VSNL1: variants seen among roughly 807,000 people sequenced by gnomAD.
VSNL1 encodes visinin like 1.
In VSNL1, 6 loss-of-function variants were observed where a neutral mutation model predicts 20.4. The observed-to-expected ratio is 0.29, with a 90% confidence interval of 0.16 to 0.58. VSNL1 has a LOEUF of 0.58. VSNL1 is among the 20% of genes least tolerant of loss of function. The pLI, the probability that VSNL1 is intolerant of heterozygous loss-of-function variation, is 0.90. For missense variants in VSNL1, 100 were observed against 234.5 expected (o/e 0.43, Z 3.75); for synonymous variants, 93 against 86.4 (o/e 1.08, Z -0.42).
intron 2 of VSNL1, among the ~76,000 whole-genome samples, chr2:17,627,695 C>A (rs1173535984): frequency 2.6e-5 from 4 of 152,172 alleles, no homozygotes; most frequent in African/African-American, 9.7e-5. Flanking sequence ...ATGCAAAAAT[C>A]TGAAAAGACA....
At chr2:17,543,582 C>T (rs1045351773) in intron 1 of VSNL1, among the ~76,000 whole-genome samples, 1 of 152,168 alleles carries the variant, frequency 6.6e-6, no homozygotes, top group African/African-American at 2.4e-5. Context: ...GATAAAGCCA[C>T]CTGCGGAGAA....
At chr2:17,575,232 C>CA in intron 1 of VSNL1, among the ~76,000 whole-genome samples, 1 of 152,252 alleles carries the variant, frequency 6.6e-6, no homozygotes, top group East Asian at 1.9e-4. Flanking sequence ...ACCTCCCAAC[C>CA]CGGGAGGGAA....
intron 2 of VSNL1, among the ~76,000 whole-genome samples, chr2:17,640,252 C>CAAA (rs60583462): frequency 6.1e-5 from 6 of 98,834 alleles, no homozygotes; most frequent in African/African-American, 1.1e-4. Context: ...GACTCTGTTT[C>CAAA]AAAAAAAAAA....
At chr2:17,559,724 T>C (rs1293313324) in intron 1 of VSNL1, among the ~76,000 whole-genome samples, 1 of 152,156 alleles carries the variant, frequency 6.6e-6, no homozygotes, top group Non-Finnish European at 1.5e-5. Flanking sequence ...GGCAAAAATC[T>C]AGCAATGAGC....
At chr2:17,630,426 G>T (rs1040345171) in intron 2 of VSNL1, among the ~76,000 whole-genome samples, 27 of 152,220 alleles carry the variant, frequency 1.8e-4, no homozygotes, top group Non-Finnish European at 1.5e-4. Context: ...GCAAGTGGAT[G>T]TTCCTTGTTC....
At chr2:17,588,725 A>C (rs1321009410) in intron 1 of VSNL1, among the ~76,000 whole-genome samples, 1 of 152,212 alleles carries the variant, frequency 6.6e-6, no homozygotes, top group Non-Finnish European at 1.5e-5. Flanking sequence ...TGATGAAGAC[A>C]ATCTCCAGGA....
intron 2 of VSNL1, among the ~76,000 whole-genome samples, chr2:17,632,117 C>T (rs891482766): frequency 5.3e-5 from 8 of 152,140 alleles, no homozygotes; most frequent in African/African-American, 1.9e-4. Flanking sequence ...GAACTCCTCA[C>T]CTTAACTGTT....
intron 2 of VSNL1, among the ~76,000 whole-genome samples, chr2:17,624,851 T>C (rs1171448239): frequency 6.6e-6 from 1 of 152,234 alleles, no homozygotes; most frequent in Non-Finnish European, 1.5e-5. Context: ...GGTAATGTGT[T>C]ACAGCAGCAA....
At chr2:17,557,773 G>A (rs1217561370) in intron 1 of VSNL1, among the ~76,000 whole-genome samples, 1 of 152,178 alleles carries the variant, frequency 6.6e-6, no homozygotes, top group African/African-American at 2.4e-5. Context: ...AGCTTTTGAT[G>A]TTGGTAAATC....
At chr2:17,612,443 T>C (rs551802592) in intron 2 of VSNL1, among the ~76,000 whole-genome samples, 40 of 152,298 alleles carry the variant, frequency 2.6e-4, no homozygotes, top group South Asian at 6.2e-4. Context: ...TGGGTAATGG[T>C]TCTTATGGTT....
chr2:17,581,917 A>G (rs1392629613), intron 1 of VSNL1, among the ~76,000 whole-genome samples: 2 of 151,896 alleles, frequency 1.3e-5, no homozygotes, highest in East Asian at 3.9e-4. Context: ...CCCTTGAGGA[A>G]CCCCCATCTG....
At chr2:17,589,344 TG>T (rs1232358839) in intron 1 of VSNL1, among the ~76,000 whole-genome samples, 2 of 152,230 alleles carry the variant, frequency 1.3e-5, no homozygotes, top group Non-Finnish European at 2.9e-5. Flanking sequence ...GGTTGCATCA[TG>T]GAGACTAAGG....
At chr2:17,592,762 G>A (rs1221224815) in intron 2 of VSNL1, among the ~76,000 whole-genome samples, 1 of 147,522 alleles carries the variant, frequency 6.8e-6, no homozygotes, top group Non-Finnish European at 1.5e-5. Flanking sequence ...GGAGTGTAGC[G>A]TATCTCTGGT....
intron 1 of VSNL1, chr2:17,541,624 G>A (rs1009429039): frequency 1.3e-5 from 2 of 152,292 alleles, no homozygotes. Context: ...CTAGTTACCT[G>A]CCTTTGCATT....
intron 1 of VSNL1, among the ~76,000 whole-genome samples, chr2:17,580,257 A>G (rs1664321348): frequency 6.6e-6 from 1 of 152,194 alleles, no homozygotes. Flanking sequence ...GAAGTCCAGA[A>G]AGGAATCTAC....
intron 1 of VSNL1, among the ~76,000 whole-genome samples, chr2:17,570,159 A>T (rs1664047171): frequency 6.6e-6 from 1 of 152,336 alleles, no homozygotes; most frequent in South Asian, 2.1e-4. Flanking sequence ...TTCCATTATC[A>T]GCAGGAGGAG....
intron 2 of VSNL1, among the ~76,000 whole-genome samples, chr2:17,643,543 C>CTCAGTAA (rs1665928365): frequency 6.6e-6 from 1 of 152,196 alleles, no homozygotes; most frequent in Non-Finnish European, 1.5e-5. Flanking sequence ...ATTTAGCAGA[C>CTCAGTAA]ATTTACTGAG....
intron 2 of VSNL1, among the ~76,000 whole-genome samples, chr2:17,599,428 G>T (rs911769865): frequency 6.6e-6 from 1 of 152,172 alleles, no homozygotes; most frequent in African/African-American, 2.4e-5. Context: ...GTTGGCTGGA[G>T]GCCCACTGGG....
chr2:17,570,324 A>G (rs935462689), intron 1 of VSNL1, among the ~76,000 whole-genome samples: 9 of 152,208 alleles, frequency 5.9e-5, no homozygotes, highest in South Asian at 2.1e-4. Context: ...AGAATCACTT[A>G]TTAGGGCTAC....
Sources: allele counts gnomAD v4.1 joint callset (sites outside exome capture counted in the v4.1 genomes callset), GRCh38; gene constraint gnomAD v4.1.1; transcripts MANE v1.5; gene names NCBI Gene and HGNC (gene_info 2026-07-23, HGNC 2026-07-21).